Variants in PCDHGA4 observed in about 807,000 individuals in gnomAD.
PCDHGA4 encodes protocadherin gamma subfamily A, 4.
A neutral mutation model predicts 54.6 loss-of-function variants in PCDHGA4; 38 were observed. The ratio of observed to expected loss-of-function variants is 0.70; its 90% CI spans 0.54 to 0.91. PCDHGA4 has a LOEUF of 0.91. Among genes scored for constraint, PCDHGA4 ranks in the 40% least tolerant of loss-of-function variants. The pLI is 0.00. For missense variants in PCDHGA4, 1,298 were observed against 1,220.9 expected, an observed-to-expected ratio of 1.06 and a Z score of -0.94; for synonymous variants, 511 against 512.9, an observed-to-expected ratio of 1.00 and a Z score of 0.05.
intron 1 of PCDHGA4, chr5:141,415,504 C>G (rs1444248720): frequency 1.2e-6 from 2 of 1,614,216 alleles, no homozygotes; most frequent in South Asian, 2.2e-5. Flanking sequence ...CTTCCCCCAG[C>G]CCAATTATGC....
At chr5:141,415,046 G>C in intron 1 of PCDHGA4, 1 of 1,613,468 alleles carries the variant, frequency 6.2e-7, no homozygotes, top group Non-Finnish European at 8.5e-7. Context: ...TTCGCGGTGG[G>C]GGAGCACACG....
intron 1 of PCDHGA4, chr5:141,394,431 C>G: frequency 1.2e-6 from 2 of 1,614,252 alleles, no homozygotes; most frequent in Non-Finnish European, 1.7e-6. Context: ...CAGCGGGGAC[C>G]CGCCCCTCAG....
In PCDHGA4 at chr5:141,423,718, A is replaced by G. The variant is rs1450410707; in HGVS notation, c.2514+66097A>G. The G allele has an allele frequency of 4.8e-6, 5 of 1,049,028 alleles. No homozygotes were observed. In the East Asian group the frequency reaches 2.9e-4, roughly 60 times the overall value. 65.0% of individuals were successfully genotyped at this position (1,049,028 alleles called of 1,614,324 possible). On this transcript the variant is annotated intron_variant, in intron 1 of 3. Coordinates refer to ENST00000571252, the MANE Select transcript of PCDHGA4 (RefSeq NM_018917.4). The stretch of plus-strand genomic sequence containing the variant: ...GTGTCTTGGCACAAGTCTTTTAAGG[A>G]GATGTTTTTTGAGCCTGTTATGAAA...
At position 141,491,289 on chromosome 5, in the gene PCDHGA4, C is replaced by T. The variant is rs2099710219; in HGVS notation, c.2515-3518C>T. ...CCAAATCCAGTGACTTCCTCATACA[C>T]CCTCCTGAGCGTTCAGACCTTACCC... On this transcript the variant is annotated intron_variant, in intron 1 of 3. Transcript: ENST00000571252. The surrounding 1 kb of genome is among the most constrained non-coding windows in gnomAD (Gnocchi z 6.9). 2 of 1,614,112 alleles carry T rather than the reference C, an allele frequency of 1.2e-6. No homozygotes were observed. The highest frequency in any genetic ancestry group is 1.7e-6 in the Non-Finnish European group (2 of 1,179,942).
intron 1 of PCDHGA4, among the ~76,000 whole-genome samples, chr5:141,405,666 C>T (rs752033736): frequency 3.3e-5 from 5 of 152,198 alleles, no homozygotes; most frequent in Admixed American, 6.5e-5. Flanking sequence ...TTAGTAGAGA[C>T]GGGGTGTCAC....
At chr5:141,362,726 A>T (rs1762654584) in intron 1 of PCDHGA4, 1 of 822,880 alleles carries the variant, frequency 1.2e-6, no homozygotes, top group Admixed American at 3.0e-5. Flanking sequence ...CTGAAGTGTG[A>T]GATTTATTTA....
rs577239742 is a variant in PCDHGA4 at position 141,501,564 on chromosome 5, T to C, written c.2574-3829T>C. ...CATAAGATCATAGGCCCTGGAATCA[T>C]ATTAGGCTGGCTTTCAGGTTGCAAC... On this transcript the variant is annotated intron_variant, in intron 2 of 3. Coordinates refer to ENST00000571252, the MANE Select transcript of PCDHGA4 (RefSeq NM_018917.4). 5.9e-5 allele frequency among the ~76,000 whole-genome samples: 9 copies of C among 152,194 alleles called. No individual in the cohort carries two copies. The South Asian group carries it at 1.7e-3, about 28-fold the overall frequency.
chr5:141,502,862 C>T (rs2099816351), intron 2 of PCDHGA4, among the ~76,000 whole-genome samples: 1 of 68,558 alleles, frequency 1.5e-5, no homozygotes, highest in African/African-American at 1.0e-4. Context: ...CCCTGACTCT[C>T]TGTCTTTTTT....
chr5:141,450,568 C>A (rs2098685790), intron 1 of PCDHGA4, among the ~76,000 whole-genome samples: 1 of 152,002 alleles, frequency 6.6e-6, no homozygotes. Flanking sequence ...CTCACTGCAA[C>A]TTCTGCCTCC....
chr5:141,461,961 T>C (rs914134151), intron 1 of PCDHGA4, among the ~76,000 whole-genome samples: 3 of 152,192 alleles, frequency 2.0e-5, no homozygotes, highest in African/African-American at 7.2e-5. Context: ...GTAGCTGGGA[T>C]TCCAGGCATA....
At chr5:141,433,358 CCTATCTATCTATCTATCTAT>C (rs3074541) in intron 1 of PCDHGA4, 19 of 503,934 alleles carry the variant, frequency 3.8e-5, no homozygotes, top group South Asian at 2.3e-4. Flanking sequence ...CTACTGTCTG[CCTATCTATCTATCTATCTAT>C]CTATCTATCT....
At chr5:141,402,487 A>G (rs1239262921) in intron 1 of PCDHGA4, among the ~76,000 whole-genome samples, 1 of 152,226 alleles carries the variant, frequency 6.6e-6, no homozygotes, top group Non-Finnish European at 1.5e-5. Flanking sequence ...AAGTTCTACC[A>G]AGAATAAGAA....
chr5:141,378,520 C>T (rs930266884), intron 1 of PCDHGA4: 4 of 151,996 alleles, frequency 2.6e-5, no homozygotes, highest in Non-Finnish European at 5.9e-5. Flanking sequence ...GAGACTCTGT[C>T]TCAAAAAATA....
At chr5:141,421,675 G>A in intron 1 of PCDHGA4, 2 of 1,613,910 alleles carry the variant, frequency 1.2e-6, no homozygotes, top group Non-Finnish European at 1.7e-6. Context: ...CGCAATTCCT[G>A]GGGCGCGATT....
At chr5:141,392,930 G>A (rs568235859) in intron 1 of PCDHGA4, 2 of 1,613,790 alleles carry the variant, frequency 1.2e-6, no homozygotes, top group Non-Finnish European at 1.7e-6. Flanking sequence ...CAGAAGAGAC[G>A]GACAAAGGCT....
chr5:141,476,551 C>G lies in PCDHGA4; in HGVS notation c.2515-18256C>G, dbSNP rs367700651. ...CCCAGGAAATGAAATTGGAGATTAG[C>G]GAGGCCGTGGCTCCGGGGACGCGCT... On this transcript the variant is annotated intron_variant, in intron 1 of 3. Transcript: ENST00000571252. The surrounding 1 kb of genome is among the most constrained non-coding windows in gnomAD (Gnocchi z 7.6). 128 of 1,614,078 alleles carry G rather than the reference C, an allele frequency of 7.9e-5. No homozygotes were observed. Among genetic ancestry groups the G allele is most frequent in the Non-Finnish European group, 1.0e-4 (122 of 1,180,034 alleles).
chr5:141,431,474 G>T lies in PCDHGA4; in HGVS notation c.2515-63333G>T, dbSNP rs747313827. 3.7e-6 allele frequency: 6 copies of T among 1,613,842 alleles called. No homozygotes were observed. The South Asian group carries it at 6.6e-5, about 18-fold the overall frequency. ...GATGGTTCTGGATGCGAACGACAAC[G>T]CACCAGCGTTTGCTCAGCCCGAGTA... is the stretch of plus-strand genomic sequence containing the variant. On this transcript the variant is annotated intron_variant, in intron 1 of 3. Transcript: ENST00000571252. The surrounding 1 kb of genome is among the most constrained non-coding windows in gnomAD (Gnocchi z 4.8).
intron 1 of PCDHGA4, chr5:141,415,814 T>G: frequency 7.5e-7 from 1 of 1,330,430 alleles, no homozygotes; most frequent in South Asian, 1.8e-5. Flanking sequence ...AAGGCCTATA[T>G]ATCATAAGGC....
At chr5:141,382,900 A>T (rs564801333) in intron 1 of PCDHGA4, 4 of 1,542,372 alleles carry the variant, frequency 2.6e-6, no homozygotes, top group Admixed American at 4.2e-5. Context: ...CAGGACGACT[A>T]TGGCGGCTCA....
Sources: gnomAD v4.1 joint callset for allele counts (sites outside exome capture counted in the v4.1 genomes callset) on GRCh38, gnomAD v4.1.1 for gene constraint, Gnocchi (gnomAD v3.1) non-coding constraint, MANE v1.5 for transcripts, NCBI Gene and HGNC (gene_info 2026-07-23, HGNC 2026-07-21) for gene names.